The following SGK1 variants were observed in gnomAD, a reference collection of about 807,000 sequenced individuals.
The protein encoded by SGK1 is serum/glucocorticoid regulated kinase 1.
A neutral mutation model predicts 64.2 loss-of-function variants in SGK1; 26 were observed. The observed-to-expected ratio is 0.40, with a 90% CI of 0.30 to 0.56. The LOEUF is 0.56. Among genes scored for constraint, SGK1 ranks in the 20% least tolerant of loss-of-function variants. SGK1 has a pLI of 0.38. For missense variants in SGK1, 519 were observed against 645.6 expected (o/e 0.80, Z 2.12); for synonymous variants, 265 against 239.7 (o/e 1.11, Z -0.98).
chr6:134,249,112 G>A (rs753901131), intron 2 of SGK1, among the ~76,000 whole-genome samples: 6 of 152,090 alleles, frequency 3.9e-5, no homozygotes, highest in Non-Finnish European at 7.3e-5. Context: ...CGTATTGTAC[G>A]AAATCTCAAG....
At chr6:134,268,207 C>A (rs1219355448) in intron 1 of SGK1, among the ~76,000 whole-genome samples, 1 of 152,132 alleles carries the variant, frequency 6.6e-6, no homozygotes, top group Non-Finnish European at 1.5e-5. Context: ...GAGGGAGTAG[C>A]TGACTGTGAG....
intron 1 of SGK1, among the ~76,000 whole-genome samples, chr6:134,314,799 T>G (rs899610837): frequency 1.1e-4 from 16 of 151,998 alleles, no homozygotes; most frequent in South Asian, 2.1e-4. Context: ...ATGGTTTTTT[T>G]TTTTTTTTTT....
At position 134,229,650 on chromosome 6, in the gene SGK1, C is replaced by T. The variant is rs139015663; in HGVS notation, c.286-22219G>A. On this transcript the variant is annotated intron_variant, in intron 2 of 13. Coordinates refer to ENST00000367858, the MANE Select transcript of SGK1 (RefSeq NM_001143676.3). ...GGCCAGGGAAGAAAAGATCTGCCCCCATGCTTCATTAACCACCACCAGCAG... is the reference window on the plus strand; with the variant it reads ...GGCCAGGGAAGAAAAGATCTGCCCCTATGCTTCATTAACCACCACCAGCAG... Among the ~76,000 whole-genome samples the T allele has an allele frequency of 9.0e-3, 1,365 of 152,322 alleles. 19 individuals are homozygous for T. Among genetic ancestry groups the T allele is most frequent in the African/African-American group, 0.03 (1,255 of 41,566 alleles).
chr6:134,209,770 G>T (rs1402872663), intron 2 of SGK1, among the ~76,000 whole-genome samples: 1 of 152,142 alleles, frequency 6.6e-6, no homozygotes, highest in Non-Finnish European at 1.5e-5. Flanking sequence ...TCTGCCTCCT[G>T]GGTTCAAGTG....
At chr6:134,225,803 G>A (rs1776165887) in intron 2 of SGK1, among the ~76,000 whole-genome samples, 4 of 151,896 alleles carry the variant, frequency 2.6e-5, no homozygotes, top group Admixed American at 2.6e-4. Flanking sequence ...AGTGGGCCAG[G>A]CATGGTGACC....
intron 1 of SGK1, among the ~76,000 whole-genome samples, chr6:134,262,560 A>G (rs1351326626): frequency 6.6e-6 from 1 of 151,692 alleles, no homozygotes; most frequent in Non-Finnish European, 1.5e-5. Flanking sequence ...AAAAATACCA[A>G]AATTAGCCAG....
At chr6:134,206,991 C>T (rs1020541902) in intron 3 of SGK1, among the ~76,000 whole-genome samples, 14 of 151,242 alleles carry the variant, frequency 9.3e-5, no homozygotes, top group Non-Finnish European at 1.3e-4. Context: ...TTTGGGAGGC[C>T]GAGGCGGGCG....
At position 134,174,604 on chromosome 6, in the gene SGK1, G is replaced by C. The variant is rs542302905; in HGVS notation, c.362-18C>G. Reference sequence around the variant, plus strand: ...CATGAAAGCTGTGGATGAAGGAGGAGAAATAAAGAAACGTTTAGACGGCTT... The same window carrying C: ...CATGAAAGCTGTGGATGAAGGAGGACAAATAAAGAAACGTTTAGACGGCTT... On this transcript the variant is annotated intron_variant, in intron 3 of 13. Transcript: ENST00000367858. 1.9e-6 allele frequency: 3 copies of C among 1,611,378 alleles called. No homozygotes were observed. The highest frequency in any genetic ancestry group is 1.3e-5 in the African/African-American group (1 of 74,886).
rs1313649886 is a variant in SGK1 at position 134,232,477 on chromosome 6, AAGAAAG to A, written c.286-25052_286-25047del. ...AAAGAAAGAAAGAAAGAAAGAAAGAAAGAAAGAGAAAGAAAAAGAAAAGAAAGAAGA... is the reference window on the plus strand; with the variant it reads ...AAAGAAAGAAAGAAAGAAAGAAAGAAAGAAAGAAAAAGAAAAGAAAGAAGA... On this transcript the variant is annotated intron_variant, in intron 2 of 13. Coordinates refer to ENST00000367858, the MANE Select transcript of SGK1 (RefSeq NM_001143676.3). Among the ~76,000 whole-genome samples the A allele has an allele frequency of 1.6e-4, 23 of 146,542 alleles. 1 individual carries two copies. The highest frequency in any genetic ancestry group is 5.4e-4 in the Admixed American group (8 of 14,784).
At chr6:134,290,533 A>C (rs1777249514) in intron 1 of SGK1, among the ~76,000 whole-genome samples, 1 of 151,982 alleles carries the variant, frequency 6.6e-6, no homozygotes, top group Admixed American at 6.6e-5. Context: ...TAATGTTCCA[A>C]ATAATGGTTG....
intron 2 of SGK1, among the ~76,000 whole-genome samples, chr6:134,223,486 AAATG>A (rs1191485615): frequency 2.0e-5 from 3 of 152,150 alleles, no homozygotes; most frequent in Non-Finnish European, 2.9e-5. Flanking sequence ...CTCTCATTGC[AAATG>A]ACACTATATT....
At chr6:134,256,191 T>C (rs867742066) in intron 2 of SGK1, among the ~76,000 whole-genome samples, 1 of 152,096 alleles carries the variant, frequency 6.6e-6, no homozygotes, top group African/African-American at 2.4e-5. Flanking sequence ...GCCAGATCCT[T>C]TTACAAACAT....
intron 1 of SGK1, among the ~76,000 whole-genome samples, chr6:134,288,044 T>A (rs1460587813): frequency 2.6e-5 from 4 of 152,272 alleles, no homozygotes; most frequent in Non-Finnish European, 5.9e-5. Flanking sequence ...AGACAAGAGA[T>A]CTCTTGGGAT....
chr6:134,313,664 A>G (rs572854685), intron 1 of SGK1, among the ~76,000 whole-genome samples: 1 of 152,150 alleles, frequency 6.6e-6, no homozygotes, highest in African/African-American at 2.4e-5. Context: ...TCTTTGAAAG[A>G]GGGAAGTCAG....
intron 3 of SGK1, among the ~76,000 whole-genome samples, chr6:134,183,771 C>T (rs1056238718): frequency 3.9e-5 from 6 of 151,962 alleles, no homozygotes; most frequent in African/African-American, 1.5e-4. Flanking sequence ...CTTCTGGAGG[C>T]CCAGAACTAC....
At chr6:134,277,252 G>A (rs1202336400) in intron 1 of SGK1, among the ~76,000 whole-genome samples, 2 of 152,070 alleles carry the variant, frequency 1.3e-5, no homozygotes, top group African/African-American at 2.4e-5. Context: ...AACCTGGGAG[G>A]TGGAAGTTGT....
chr6:134,292,657 A>G (rs17063607), intron 1 of SGK1, among the ~76,000 whole-genome samples: 10,155 of 152,268 alleles, frequency 0.067, 446 homozygotes, highest in Non-Finnish European at 0.094. Flanking sequence ...TTTTACAAAC[A>G]TTAGATTAAG....
intron 3 of SGK1, among the ~76,000 whole-genome samples, chr6:134,199,134 C>A (rs1473075297): frequency 6.6e-6 from 1 of 152,082 alleles, no homozygotes; most frequent in East Asian, 1.9e-4. Flanking sequence ...AAGACGGAAA[C>A]AACAGACACT....
Position 134,304,939 on chromosome 6 carries a change from C to T in SGK1, c.69+12453G>A, listed in dbSNP as rs776518451. 1.3e-4 allele frequency among the ~76,000 whole-genome samples: 20 copies of T among 152,244 alleles called. No individual in the cohort carries two copies. The Middle Eastern group carries it at 0.01, about 78-fold the overall frequency. On this transcript the variant is annotated intron_variant, in intron 1 of 13. Transcript: ENST00000367858. ...GGCAAACCTAAGAGATTATATCATG[C>T]TAAATGTGATTTCCTTCAGAAAAGA...
Sources: allele counts gnomAD v4.1 joint callset (sites outside exome capture counted in the v4.1 genomes callset), GRCh38; gene constraint gnomAD v4.1.1; transcripts MANE v1.5; gene names NCBI Gene and HGNC (gene_info 2026-07-23, HGNC 2026-07-21).